Variants in FGF14 observed in about 807,000 individuals in gnomAD.
FGF14 encodes the protein fibroblast growth factor 14.
Under a neutral mutation model 25.5 loss-of-function variants are expected in FGF14, and 5 were observed. The ratio of observed to expected loss-of-function variants is 0.20; its 90% confidence interval spans 0.10 to 0.41. The LOEUF is 0.41. Ranked by LOEUF, FGF14 falls within the 10% of genes least tolerant of loss-of-function variation. The probability of loss-of-function intolerance (pLI) is 1.00; values close to 1 mark genes in which losing one functional copy is unlikely to be tolerated. For synonymous variants in FGF14, 138 were observed against 118.3 expected (o/e 1.17, Z -1.08); for missense variants, 222 against 320.1 (o/e 0.69, Z 2.34).
chr13:102,374,650 A>T (rs1213761261), intron 1 of FGF14, among the ~76,000 whole-genome samples: 3 of 14,118 alleles, frequency 2.1e-4, no homozygotes, highest in African/African-American at 3.6e-4. Flanking sequence ...TATTTTATAT[A>T]TATATATATA....
intron 1 of FGF14, among the ~76,000 whole-genome samples, chr13:101,972,604 C>G (rs567839342): frequency 6.6e-6 from 1 of 152,314 alleles, no homozygotes; most frequent in South Asian, 2.1e-4. Flanking sequence ...AGAAGACTCT[C>G]CTTTCACCCT....
chr13:102,145,780 T>C (rs934925497), intron 1 of FGF14, among the ~76,000 whole-genome samples: 11 of 152,340 alleles, frequency 7.2e-5, no homozygotes, highest in African/African-American at 2.4e-4. Context: ...GTTATCTTTA[T>C]GCATTTAGCA....
chr13:101,739,030 G>A (rs1206245509), intron 3 of FGF14, among the ~76,000 whole-genome samples: 8 of 145,290 alleles, frequency 5.5e-5, no homozygotes, highest in South Asian at 2.2e-4. Context: ...ATATATATAG[G>A]TGTGTGTGTA....
intron 1 of FGF14, among the ~76,000 whole-genome samples, chr13:101,970,626 G>A (rs1047021346): frequency 6.6e-6 from 1 of 152,108 alleles, no homozygotes; most frequent in Admixed American, 6.5e-5. Flanking sequence ...GAGTCTCCAT[G>A]TCTGACTGTA....
chr13:101,848,980 T>C (rs1300118482), intron 3 of FGF14, among the ~76,000 whole-genome samples: 2 of 152,044 alleles, frequency 1.3e-5, no homozygotes, highest in African/African-American at 4.8e-5. Flanking sequence ...GTATTGGACT[T>C]GTATTTTTCT....
intron 3 of FGF14, among the ~76,000 whole-genome samples, chr13:101,727,837 A>G (rs1170269257): frequency 6.6e-6 from 1 of 152,170 alleles, no homozygotes; most frequent in Non-Finnish European, 1.5e-5. Flanking sequence ...CTATATGTAT[A>G]TAAAATATAG....
At chr13:101,879,857 A>G (rs1420456543) in intron 1 of FGF14, among the ~76,000 whole-genome samples, 4 of 152,186 alleles carry the variant, frequency 2.6e-5, no homozygotes, top group Non-Finnish European at 4.4e-5. Flanking sequence ...TCCCAGTAGC[A>G]GAAAATAGTA....
intron 1 of FGF14, among the ~76,000 whole-genome samples, chr13:102,132,764 A>G (rs1045864010): frequency 3.3e-5 from 5 of 151,082 alleles, no homozygotes; most frequent in Non-Finnish European, 5.9e-5. Context: ...CAAGCAATCC[A>G]CCCGCCTCAG....
intron 1 of FGF14, among the ~76,000 whole-genome samples, chr13:102,163,818 A>T (rs1307740452): frequency 2.0e-5 from 3 of 151,004 alleles, no homozygotes; most frequent in South Asian, 2.1e-4. Context: ...CAAGGTAAAG[A>T]AATAATCAGA....
At chr13:102,272,676 CATT>C (rs1300526950) in intron 1 of FGF14, among the ~76,000 whole-genome samples, 1 of 152,090 alleles carries the variant, frequency 6.6e-6, no homozygotes, top group African/African-American at 2.4e-5. Context: ...TAGTCATTGT[CATT>C]ATCCCAATTT....
chr13:101,998,449 C>T (rs1029798910), intron 1 of FGF14, among the ~76,000 whole-genome samples: 3 of 152,090 alleles, frequency 2.0e-5, no homozygotes, highest in African/African-American at 4.8e-5. Context: ...GAATGGGGTG[C>T]TATTAATTAC....
At chr13:101,946,880 T>C (rs977629433) in intron 1 of FGF14, among the ~76,000 whole-genome samples, 1 of 152,194 alleles carries the variant, frequency 6.6e-6, no homozygotes, top group Non-Finnish European at 1.5e-5. Flanking sequence ...GGCTGCCTGA[T>C]TTTAATAGTT....
intron 3 of FGF14, among the ~76,000 whole-genome samples, chr13:101,809,404 A>G (rs898689098): frequency 5.3e-5 from 8 of 152,148 alleles, no homozygotes; most frequent in Admixed American, 6.6e-5. Context: ...AGGCTCTCCC[A>G]GGTGCAGGCT....
intron 3 of FGF14, among the ~76,000 whole-genome samples, chr13:101,806,291 T>C (rs890481326): frequency 6.6e-6 from 1 of 151,866 alleles, no homozygotes; most frequent in Non-Finnish European, 1.5e-5. Flanking sequence ...TGGTGATGTG[T>C]GCCTGTAATC....
At chr13:102,088,746 TATTAA>T (rs549341159) in intron 1 of FGF14, among the ~76,000 whole-genome samples, 14 of 152,284 alleles carry the variant, frequency 9.2e-5, no homozygotes, top group Middle Eastern at 3.4e-3. Context: ...GGGTACTTTA[TATTAA>T]ATTAAAAGAG....
At chr13:102,022,276 A>T (rs887924442) in intron 1 of FGF14, among the ~76,000 whole-genome samples, 1 of 152,090 alleles carries the variant, frequency 6.6e-6, no homozygotes, top group Non-Finnish European at 1.5e-5. Flanking sequence ...ATACCTTTGT[A>T]TTGCCAGAAC....
intron 3 of FGF14, among the ~76,000 whole-genome samples, chr13:101,786,100 C>T (rs1457782007): frequency 6.6e-6 from 1 of 152,160 alleles, no homozygotes; most frequent in East Asian, 1.9e-4. Flanking sequence ...CTGCTCACAA[C>T]CACCACCAAA....
At chr13:102,103,559 G>A (rs1406584603) in intron 1 of FGF14, among the ~76,000 whole-genome samples, 1 of 151,762 alleles carries the variant, frequency 6.6e-6, no homozygotes, top group Non-Finnish European at 1.5e-5. Flanking sequence ...GTATTAACAA[G>A]CCATTGATGT....
intron 1 of FGF14, among the ~76,000 whole-genome samples, chr13:102,243,491 GT>G (rs573445495): frequency 6.6e-6 from 1 of 151,960 alleles, no homozygotes; most frequent in South Asian, 2.1e-4. Context: ...TAATTGAATT[GT>G]TCAATTGAAA....
Sources: gnomAD v4.1 joint callset for allele counts (sites outside exome capture counted in the v4.1 genomes callset) on GRCh38, gnomAD v4.1.1 for gene constraint, MANE v1.5 for transcripts, NCBI Gene and HGNC (gene_info 2026-07-23, HGNC 2026-07-21) for gene names.